The following LRRC7 variants were observed in gnomAD, a reference collection of about 807,000 sequenced individuals.
The protein encoded by LRRC7 is leucine-rich repeat-containing protein 7.
LRRC7 carries 23 observed loss-of-function variants against 175.7 expected under a neutral mutation model. The ratio of observed to expected loss-of-function variants is 0.13; its 90% CI spans 0.09 to 0.19. The LOEUF is 0.19. Among genes scored for constraint, LRRC7 ranks in the 10% least tolerant of loss-of-function variants. The probability of loss-of-function intolerance (pLI) is 1.00; values close to 1 mark genes in which losing one functional copy is unlikely to be tolerated. For missense variants in LRRC7, 1,354 were observed against 1,904.7 expected (o/e 0.71, Z 5.38); for synonymous variants, 685 against 680.9 (o/e 1.01, Z -0.09).
At chr1:69,994,091 A>G (rs1035169243) in intron 10 of LRRC7, among the ~76,000 whole-genome samples, 5 of 152,186 alleles carry the variant, frequency 3.3e-5, no homozygotes, top group African/African-American at 1.2e-4. Flanking sequence ...GAACATAATT[A>G]TAACCGCTGC....
rs1666315314 is a variant in LRRC7 at position 70,123,712 on chromosome 1, GA to G, written c.*1828del. Reference sequence around the variant, plus strand: ...TTAATATATTGAGAGTTTCAGATGAGAAATGTCTTTCAGAGACTAATTTTCT... The same window carrying G: ...TTAATATATTGAGAGTTTCAGATGAGAATGTCTTTCAGAGACTAATTTTCT... On this transcript the variant is annotated 3_prime_UTR_variant, in exon 27 of 27. Transcript: ENST00000651989. 6.6e-6 allele frequency among the ~76,000 whole-genome samples: 1 copy of G among 152,130 alleles called. No individual in the cohort carries two copies. Among genetic ancestry groups the G allele is most frequent in the Non-Finnish European group, 1.5e-5 (1 of 68,020 alleles).
At chr1:70,016,648 T>G in intron 14 of LRRC7, 114 bp downstream of exon 14, 1 of 766,836 alleles carries the variant, frequency 1.3e-6, no homozygotes, top group Non-Finnish European at 1.9e-6. Flanking sequence ...TGTAGATTGT[T>G]TTTATCCCCA....
rs544104707 is a variant in LRRC7, at chr1:69,826,767, A to T, written c.500+941A>T. On this transcript the variant is annotated intron_variant, in intron 5 of 26. Coordinates refer to ENST00000651989, the MANE Select transcript of LRRC7 (RefSeq NM_001370785.2). The stretch of plus-strand genomic sequence containing the variant: ...GGAAACCGAAGCCCATTGGAAAGAC[A>T]TTTAATGGATGGAGTATTTTTAGAA... Among the ~76,000 whole-genome samples the T allele has an allele frequency of 2.6e-5, 4 of 152,254 alleles. No homozygotes were observed. In the South Asian group the frequency reaches 6.2e-4, roughly 24 times the overall value.
chr1:70,017,641 C>T (rs946749697), intron 14 of LRRC7, among the ~76,000 whole-genome samples: 1 of 152,114 alleles, frequency 6.6e-6, no homozygotes, highest in Non-Finnish European at 1.5e-5. Flanking sequence ...TTCATATTTA[C>T]AGTCATTGGA....
At chr1:69,755,403 A>G (rs1570639047) in intron 2 of LRRC7, among the ~76,000 whole-genome samples, 2 of 149,026 alleles carry the variant, frequency 1.3e-5, no homozygotes, top group African/African-American at 2.5e-5. Flanking sequence ...TATATGCAAA[A>G]GTATATATAT....
intron 13 of LRRC7, among the ~76,000 whole-genome samples, chr1:70,016,086 A>T (rs1272433304): frequency 3.3e-5 from 5 of 152,186 alleles, no homozygotes; most frequent in African/African-American, 1.2e-4. Context: ...GAGTGAATAG[A>T]TACGTGGGAT....
In LRRC7 at chr1:69,839,186, A is replaced by G. The variant is rs143128711; in HGVS notation, c.647+903A>G. ...TTTCCTAAGCAAACTGGATTGACTA[A>G]TATTTCAACAACATACCTTCAAGTG... On this transcript the variant is annotated intron_variant, in intron 7 of 26. Coordinates refer to ENST00000651989, the MANE Select transcript of LRRC7 (RefSeq NM_001370785.2). 145 of 159,108 alleles carry G rather than the reference A, an allele frequency of 9.1e-4. 2 individuals carry two copies. The East Asian group carries it at 0.022, about 25-fold the overall frequency. 9.9% of individuals were successfully genotyped at this position (159,108 alleles called of 1,614,324 possible).
At chr1:69,752,108 A>G (rs183602618) in intron 2 of LRRC7, among the ~76,000 whole-genome samples, 1 of 152,256 alleles carries the variant, frequency 6.6e-6, no homozygotes, top group East Asian at 1.9e-4. Flanking sequence ...TAAGCCTCAG[A>G]TGCCCCTTTG....
At chr1:69,888,372 C>T (rs886520134) in intron 7 of LRRC7, among the ~76,000 whole-genome samples, 1 of 152,132 alleles carries the variant, frequency 6.6e-6, no homozygotes, top group African/African-American at 2.4e-5. Flanking sequence ...GTGGGAGTGA[C>T]CCGATTTTCC....
chr1:69,861,072 T>C (rs1570382403), intron 7 of LRRC7, among the ~76,000 whole-genome samples: 1 of 151,898 alleles, frequency 6.6e-6, no homozygotes, highest in Non-Finnish European at 1.5e-5. Context: ...ATTTTATAAG[T>C]ATAATTGTAA....
chr1:69,681,874 T>C (rs1450382138), intron 2 of LRRC7, among the ~76,000 whole-genome samples: 1 of 152,180 alleles, frequency 6.6e-6, no homozygotes, highest in African/African-American at 2.4e-5. Flanking sequence ...AATAGTTTTC[T>C]ATTGCTGTGT....
chr1:69,616,467 A>C (rs1649639194), intron 1 of LRRC7, among the ~76,000 whole-genome samples: 1 of 152,028 alleles, frequency 6.6e-6, no homozygotes, highest in African/African-American at 2.4e-5. Context: ...GCTTTTTGTG[A>C]GTTTGCTTCC....
intron 1 of LRRC7, among the ~76,000 whole-genome samples, chr1:69,638,970 G>A (rs1653795733): frequency 6.6e-6 from 1 of 151,674 alleles, no homozygotes; most frequent in African/African-American, 2.4e-5. Flanking sequence ...TGAACAAAGA[G>A]GCTTGGGCTG....
intron 2 of LRRC7, among the ~76,000 whole-genome samples, chr1:69,699,191 C>T (rs1279209833): frequency 6.6e-6 from 1 of 152,168 alleles, no homozygotes; most frequent in Non-Finnish European, 1.5e-5. Flanking sequence ...GGCTAGAGGA[C>T]TTGCCCATCT....
rs568608763 is a variant in LRRC7, at chr1:69,999,752, T to G, written c.1004+5119T>G. Among the ~76,000 whole-genome samples the G allele has an allele frequency of 2.0e-5, 3 of 152,222 alleles. No individual in the cohort carries two copies. The South Asian group carries it at 6.2e-4, about 32-fold the overall frequency. On this transcript the variant is annotated intron_variant, in intron 11 of 26. Transcript: ENST00000651989. ...AGCATGAGAGATGTGGAACTGTGAT[T>G]TATAGGAGAAAAAGCAGAAGAAATT...
intron 3 of LRRC7, among the ~76,000 whole-genome samples, chr1:69,788,639 G>A (rs190280373): frequency 1.3e-5 from 2 of 152,212 alleles, no homozygotes; most frequent in Non-Finnish European, 1.5e-5. Context: ...TTCAACAAAG[G>A]TGTGACATTA....
chr1:69,887,991 G>T lies in LRRC7; in HGVS notation c.648-43516G>T, dbSNP rs546750625. ...TCTGCCCGTTCTCAGATCTCCAGCT[G>T]CGTGTTGGGAGAACCACTGCTCCCT... On this transcript the variant is annotated intron_variant, in intron 7 of 26. Transcript: ENST00000651989. Among the ~76,000 whole-genome samples the T allele has an allele frequency of 5.9e-4, 73 of 124,036 alleles. 2 individuals are homozygous for T. The highest frequency in any genetic ancestry group is 3.7e-3 in the Middle Eastern group (1 of 270). The allele number at this position is 124,036 out of a possible 152,430, so 81.4% of individuals were successfully genotyped here. A position where few individuals can be genotyped will look rare whatever the true frequency, so the allele number is the denominator to read the frequency against.
intron 26 of LRRC7, among the ~76,000 whole-genome samples, chr1:70,108,840 C>T (rs911788338): frequency 6.6e-6 from 1 of 152,140 alleles, no homozygotes; most frequent in Non-Finnish European, 1.5e-5. Context: ...TGCAAGGATC[C>T]CCTCAAGTCA....
rs1652479964 is a variant in LRRC7 at position 69,631,446 on chromosome 1, C to CT, written c.3-46934dup. On this transcript the variant is annotated intron_variant, in intron 1 of 26. Transcript: ENST00000651989. Reference sequence around the variant, plus strand: ...GCATCTCTCCTCATTTTTTAAAACTCTGACTTGTAGCTACAAGGTTTATCT... The same window carrying CT: ...GCATCTCTCCTCATTTTTTAAAACTCTTGACTTGTAGCTACAAGGTTTATCT... Among the ~76,000 whole-genome samples the CT allele has an allele frequency of 2.6e-5, 4 of 151,998 alleles. No homozygotes were observed. In the South Asian group the frequency reaches 8.3e-4, roughly 32 times the overall value.
Sources: gnomAD v4.1 joint callset for allele counts (sites outside exome capture counted in the v4.1 genomes callset) on GRCh38, gnomAD v4.1.1 for gene constraint, MANE v1.5 for transcripts, NCBI Gene and HGNC (gene_info 2026-07-23, HGNC 2026-07-21) for gene names.